The following INPP4B variants were observed in gnomAD, a reference collection of about 807,000 sequenced individuals.
The protein encoded by INPP4B is inositol polyphosphate 4-phosphatase type II.
In INPP4B, 55 loss-of-function variants were observed where a neutral mutation model predicts 122.5. The observed-to-expected ratio is 0.45, with a 90% CI of 0.36 to 0.56. The LOEUF (loss-of-function observed/expected upper bound fraction) is 0.56, where lower values mean the gene tolerates loss of function less well. Ranked by LOEUF, INPP4B falls within the 20% of genes least tolerant of loss-of-function variation. The pLI, the probability that INPP4B is intolerant of heterozygous loss-of-function variation, is 0.00. For missense variants in INPP4B, 1,000 were observed against 1,097.7 expected (o/e 0.91, Z 1.26); for synonymous variants, 403 against 388.7 (o/e 1.04, Z -0.43).
intron 2 of INPP4B, among the ~76,000 whole-genome samples, chr4:142,606,590 A>G (rs76468049): frequency 6.6e-6 from 1 of 152,006 alleles, no homozygotes; most frequent in African/African-American, 2.4e-5. Flanking sequence ...AAAATATCAG[A>G]TTAAAACACA....
chr4:142,204,930 A>G (rs1842056890), intron 14 of INPP4B, among the ~76,000 whole-genome samples: 1 of 152,140 alleles, frequency 6.6e-6, no homozygotes, highest in Non-Finnish European at 1.5e-5. Context: ...GCTTTGTTAT[A>G]GTAGCCCTAG....
chr4:142,722,110 T>TAC (rs537244298), intron 2 of INPP4B, among the ~76,000 whole-genome samples: 2 of 152,072 alleles, frequency 1.3e-5, no homozygotes, highest in Admixed American at 6.6e-5. Context: ...TATATATATA[T>TAC]ACACACACAC....
At chr4:142,747,671 G>A (rs952797702) in intron 1 of INPP4B, among the ~76,000 whole-genome samples, 1 of 152,096 alleles carries the variant, frequency 6.6e-6, no homozygotes, top group African/African-American at 2.4e-5. Context: ...CACATATACA[G>A]CATGGAATAC....
At chr4:142,696,474 G>A (rs1246986018) in intron 2 of INPP4B, among the ~76,000 whole-genome samples, 1 of 152,218 alleles carries the variant, frequency 6.6e-6, no homozygotes, top group East Asian at 1.9e-4. Context: ...GACCCAGGCT[G>A]TAATTCTGTG....
intron 1 of INPP4B, among the ~76,000 whole-genome samples, chr4:142,803,183 A>G (rs1460144782): frequency 1.6e-4 from 23 of 147,238 alleles, no homozygotes; most frequent in African/African-American, 4.0e-4. Flanking sequence ...AAAAAAAAAA[A>G]AAAGAAAGAA....
intron 18 of INPP4B, among the ~76,000 whole-genome samples, chr4:142,126,715 G>A (rs1488002317): frequency 6.6e-6 from 1 of 152,034 alleles, no homozygotes; most frequent in Non-Finnish European, 1.5e-5. Flanking sequence ...ATTTAAACAA[G>A]CATTGGTTAA....
chr4:142,720,773 C>CA (rs1560996533), intron 2 of INPP4B, among the ~76,000 whole-genome samples: 2 of 11,816 alleles, frequency 1.7e-4, no homozygotes, highest in African/African-American at 3.2e-4. Flanking sequence ...CTCTCTCTCT[C>CA]TCTCTCTCTC....
intron 25 of INPP4B, among the ~76,000 whole-genome samples, chr4:142,081,011 T>C (rs557938472): frequency 6.6e-6 from 1 of 152,276 alleles, no homozygotes; most frequent in South Asian, 2.1e-4. Flanking sequence ...AAAATTATGA[T>C]AGAGCTCCAC....
intron 25 of INPP4B, among the ~76,000 whole-genome samples, chr4:142,061,618 A>C (rs952844021): frequency 7.9e-5 from 12 of 151,978 alleles, no homozygotes; most frequent in Non-Finnish European, 1.2e-4. Flanking sequence ...TTTTAAAATT[A>C]ATATTAAATT....
chr4:142,222,038 C>T (rs1367351370), intron 12 of INPP4B, among the ~76,000 whole-genome samples: 1 of 150,668 alleles, frequency 6.6e-6, no homozygotes, highest in African/African-American at 2.4e-5. Context: ...TGCCTCACTG[C>T]AACTTCTGCC....
chr4:142,666,951 C>A (rs1289179583), intron 2 of INPP4B, among the ~76,000 whole-genome samples: 2 of 151,964 alleles, frequency 1.3e-5, no homozygotes, highest in East Asian at 3.9e-4. Context: ...AAAAGTACAC[C>A]CATATTTTAA....
intron 2 of INPP4B, among the ~76,000 whole-genome samples, chr4:142,721,500 A>G (rs1325184281): frequency 6.6e-6 from 1 of 152,140 alleles, no homozygotes; most frequent in Admixed American, 6.5e-5. Context: ...AAATTAGTTG[A>G]TTGGAATTTA....
chr4:142,564,161 A>G (rs2150131783), intron 2 of INPP4B, among the ~76,000 whole-genome samples: 1 of 152,338 alleles, frequency 6.6e-6, no homozygotes, highest in South Asian at 2.1e-4. Context: ...ACTATGTGCA[A>G]GCACGCTAAC....
chr4:142,513,260 T>C (rs192207266), intron 2 of INPP4B, among the ~76,000 whole-genome samples: 12 of 152,282 alleles, frequency 7.9e-5, no homozygotes, highest in African/African-American at 2.4e-4. Flanking sequence ...GGGTGGCTTA[T>C]GAAAAAACAA....
intron 21 of INPP4B, among the ~76,000 whole-genome samples, chr4:142,112,921 T>C (rs1052268157): frequency 1.3e-5 from 2 of 152,082 alleles, no homozygotes; most frequent in Non-Finnish European, 1.5e-5. Context: ...AGGAAAAAAA[T>C]GTTCGGTTCA....
At chr4:142,394,607 T>C (rs796369322) in intron 7 of INPP4B, among the ~76,000 whole-genome samples, 11 of 152,312 alleles carry the variant, frequency 7.2e-5, no homozygotes, top group African/African-American at 2.4e-4. Flanking sequence ...TGTTGGCCAT[T>C]TGTATATTTT....
At chr4:142,045,385 G>A (rs1413461813) in intron 25 of INPP4B, among the ~76,000 whole-genome samples, 2 of 151,848 alleles carry the variant, frequency 1.3e-5, no homozygotes, top group African/African-American at 4.8e-5. Flanking sequence ...TTTAATTACC[G>A]GGAACTAGAT....
At chr4:142,253,626 C>G (rs965337562) in intron 11 of INPP4B, among the ~76,000 whole-genome samples, 15 of 152,152 alleles carry the variant, frequency 9.9e-5, no homozygotes, top group African/African-American at 2.7e-4. Context: ...CAATCCCACC[C>G]GAATACTGTG....
At chr4:142,812,293 C>T (rs1039750731) in intron 1 of INPP4B, among the ~76,000 whole-genome samples, 2 of 152,146 alleles carry the variant, frequency 1.3e-5, no homozygotes, top group African/African-American at 4.8e-5. Flanking sequence ...GATTGTACCT[C>T]TCCTACACTG....
Sources: gnomAD v4.1 joint callset for allele counts (sites outside exome capture counted in the v4.1 genomes callset) on GRCh38, gnomAD v4.1.1 for gene constraint, MANE v1.5 for transcripts, NCBI Gene and HGNC (gene_info 2026-07-23, HGNC 2026-07-21) for gene names.